The following LRP1B variants were observed in gnomAD, a reference collection of about 807,000 sequenced individuals.
The protein encoded by LRP1B is LDL receptor related protein 1B.
A neutral mutation model predicts 556.6 loss-of-function variants in LRP1B; 217 were observed. The ratio of observed to expected loss-of-function variants is 0.39; its 90% CI spans 0.35 to 0.44. The LOEUF (loss-of-function observed/expected upper bound fraction) is 0.44. Ranked by LOEUF, LRP1B falls within the 20% of genes least tolerant of loss-of-function variation. The pLI, the probability that LRP1B is intolerant of heterozygous loss-of-function variation, is 1.00. For synonymous variants in LRP1B, 2,047 were observed against 1,865.8 expected, an observed-to-expected ratio of 1.10 and a Z score of -2.50; for missense variants, 5,053 against 5,620.8, an observed-to-expected ratio of 0.90 and a Z score of 3.23.
At chr2:141,282,987 G>T (rs1041375720) in intron 3 of LRP1B, among the ~76,000 whole-genome samples, 1 of 152,078 alleles carries the variant, frequency 6.6e-6, no homozygotes, top group Non-Finnish European at 1.5e-5. Flanking sequence ...TCCTCTCCTA[G>T]ATTGTAAAGT....
chr2:140,264,201 T>C (rs1682080923), intron 86 of LRP1B, among the ~76,000 whole-genome samples: 1 of 152,022 alleles, frequency 6.6e-6, no homozygotes, highest in South Asian at 2.1e-4. Context: ...GGGATCACCA[T>C]AATGAAACCT....
At chr2:141,703,942 C>A (rs1211905359) in intron 2 of LRP1B, among the ~76,000 whole-genome samples, 1 of 151,852 alleles carries the variant, frequency 6.6e-6, no homozygotes, top group African/African-American at 2.4e-5. Context: ...GTTGCCACTC[C>A]CATTCTGCCA....
chr2:141,269,742 G>A (rs1000307294), intron 3 of LRP1B, among the ~76,000 whole-genome samples: 14 of 152,020 alleles, frequency 9.2e-5, no homozygotes, highest in African/African-American at 3.1e-4. Context: ...AATATTATGA[G>A]ACTTACAAAG....
intron 29 of LRP1B, among the ~76,000 whole-genome samples, chr2:140,842,171 T>C (rs371792827): frequency 1.3e-5 from 2 of 152,170 alleles, no homozygotes; most frequent in Non-Finnish European, 2.9e-5. Flanking sequence ...CTTCCCTTTT[T>C]ATTCTTTTCA....
At chr2:140,851,035 T>C (rs1692442345) in intron 28 of LRP1B, among the ~76,000 whole-genome samples, 1 of 152,166 alleles carries the variant, frequency 6.6e-6, no homozygotes, top group Non-Finnish European at 1.5e-5. Flanking sequence ...CTTTTAAATT[T>C]TGGTGAGTAC....
Position 140,892,552 on chromosome 2 carries a change from AG to A in LRP1B, c.3767-6218del, listed in dbSNP as rs1471554828. ...GAGTGGATAATTTTGAGAGCTGCGA[AG>A]GATGCGGGAACTTAGTGAACTGTTG... On this transcript the variant is annotated intron_variant, in intron 23 of 90. Transcript: ENST00000389484. 1.1e-4 allele frequency among the ~76,000 whole-genome samples: 17 copies of A among 152,290 alleles called. No individual in the cohort carries two copies. In the East Asian group the frequency reaches 3.1e-3, roughly 28 times the overall value.
intron 82 of LRP1B, among the ~76,000 whole-genome samples, chr2:140,321,348 CTTATCCA>C (rs1438625133): frequency 6.6e-6 from 1 of 150,788 alleles, no homozygotes; most frequent in East Asian, 1.9e-4. Context: ...TGAAAAAAAT[CTTATCCA>C]TTTTGTTTCT....
Position 140,601,454 on chromosome 2 carries a change from G to T in LRP1B, c.6985C>A (p.Gln2329Lys), listed in dbSNP as rs2105198024. The stretch of plus-strand genomic sequence containing the variant: ...TAAAACTACACTGTTTCTTACTTTT[G>T]ACATTCATCCAAGGCTAGCACATGT... The part of the protein sequence containing the change: ...HPHVLALDEC[Q>K]NLMFWTNWNE... Residue 2329 changes from glutamine (Q) to lysine (K), a missense_variant, in exon 42 of 91, where the codon CAA becomes AAA. Around this residue, in one of 5 missense-constraint regions of LRP1B, gnomAD observed 3,619 missense variants for 3,931.9 expected, o/e 0.92. Coordinates refer to ENST00000389484, the MANE Select transcript of LRP1B (RefSeq NM_018557.3). The T allele has an allele frequency of 6.2e-7, 1 of 1,607,814 alleles. No homozygotes were observed. The highest frequency in any genetic ancestry group is 1.1e-5 in the South Asian group (1 of 90,308).
intron 72 of LRP1B, among the ~76,000 whole-genome samples, chr2:140,362,426 T>G (rs1275490098): frequency 6.6e-6 from 1 of 151,698 alleles, no homozygotes; most frequent in Admixed American, 6.6e-5. Flanking sequence ...TACTATGGGA[T>G]TATGTCCTGA....
intron 86 of LRP1B, among the ~76,000 whole-genome samples, chr2:140,258,169 A>G (rs1244380209): frequency 6.6e-6 from 1 of 152,144 alleles, no homozygotes; most frequent in Non-Finnish European, 1.5e-5. Flanking sequence ...GGACTTGGAA[A>G]ATAATGCTGA....
chr2:141,728,385 G>A (rs1243419497), intron 2 of LRP1B, among the ~76,000 whole-genome samples: 1 of 152,122 alleles, frequency 6.6e-6, no homozygotes, highest in Admixed American at 6.6e-5. Flanking sequence ...TGTGAGCCCT[G>A]ACTTCAATCA....
chr2:141,042,715 G>A (rs1698738576), intron 11 of LRP1B, among the ~76,000 whole-genome samples: 1 of 151,970 alleles, frequency 6.6e-6, no homozygotes, highest in Admixed American at 6.6e-5. Context: ...AACATAACGT[G>A]AGCAATCTTG....
chr2:140,995,630 TA>T (rs1697224033), intron 15 of LRP1B, among the ~76,000 whole-genome samples: 1 of 152,014 alleles, frequency 6.6e-6, no homozygotes, highest in East Asian at 1.9e-4. Context: ...CACTGAGAAT[TA>T]AAATAAAAAG....
chr2:140,780,879 G>A (rs1041317539), intron 32 of LRP1B, among the ~76,000 whole-genome samples: 3 of 152,228 alleles, frequency 2.0e-5, no homozygotes, highest in African/African-American at 7.2e-5. Context: ...CAAACAGTGG[G>A]AGACACTGTG....
At chr2:141,964,198 C>G (rs1475383619) in intron 1 of LRP1B, among the ~76,000 whole-genome samples, 1 of 150,190 alleles carries the variant, frequency 6.7e-6, no homozygotes, top group East Asian at 2.0e-4. Flanking sequence ...CAATGCCATC[C>G]CCATCAAGCT....
At chr2:140,260,084 TCGAATGAAGAAG>T (rs1224809422) in intron 86 of LRP1B, among the ~76,000 whole-genome samples, 2 of 151,992 alleles carry the variant, frequency 1.3e-5, no homozygotes, top group Non-Finnish European at 2.9e-5. Flanking sequence ...AGTGTTTGTT[TCGAATGAAGAAG>T]TAAAACATAA....
intron 45 of LRP1B, among the ~76,000 whole-genome samples, chr2:140,538,129 A>G (rs973603113): frequency 2.0e-5 from 3 of 152,148 alleles, no homozygotes; most frequent in African/African-American, 4.8e-5. Flanking sequence ...AGCCACTAAT[A>G]CTATTTGAAG....
intron 1 of LRP1B, among the ~76,000 whole-genome samples, chr2:142,038,524 T>C (rs1417308421): frequency 6.6e-6 from 1 of 151,566 alleles, no homozygotes. Flanking sequence ...GTTCTAAGTG[T>C]TTTTTATTAT....
chr2:140,856,763 A>ACACG lies in LRP1B; in HGVS notation c.4580-4981_4580-4980insCGTG, dbSNP rs1553546421. ...TACACACACACACACACACACACAC[A>ACACG]CACACACACACACACACATTGTTTT... On this transcript the variant is annotated intron_variant, in intron 27 of 90. Transcript: ENST00000389484. Among the ~76,000 whole-genome samples, 618 of 130,406 alleles carry ACACG rather than the reference A, an allele frequency of 4.7e-3. 4 individuals are homozygous for ACACG. The highest frequency in any genetic ancestry group is 0.016 in the African/African-American group (568 of 34,604). The allele number at this position is 130,406 out of a possible 152,430, so 85.6% of individuals were successfully genotyped here. A position where few individuals can be genotyped will look rare whatever the true frequency, so the allele number is the denominator to read the frequency against.
Sources: allele counts gnomAD v4.1 joint callset (sites outside exome capture counted in the v4.1 genomes callset), GRCh38; gene constraint gnomAD v4.1.1; regional missense constraint gnomAD v4.1.1; transcripts MANE v1.5; gene names NCBI Gene and HGNC (gene_info 2026-07-23, HGNC 2026-07-21).